Variants in SNX13 observed in about 807,000 individuals in gnomAD.
SNX13 encodes the protein sorting nexin 13.
A neutral mutation model predicts 133.6 loss-of-function variants in SNX13; 45 were observed. That is an observed-to-expected ratio of 0.34 (90% confidence interval 0.27 to 0.43). SNX13 has a LOEUF of 0.43. Ranked by LOEUF, SNX13 falls within the 20% of genes least tolerant of loss-of-function variation. The pLI is 1.00. For missense variants in SNX13, 1,032 were observed against 1,145.1 expected (o/e 0.90, Z 1.43); for synonymous variants, 414 against 373.9 (o/e 1.11, Z -1.24).
chr7:17,834,843 T>C lies in SNX13; in HGVS notation c.1382A>G (p.Asp461Gly), dbSNP rs376625714. 33 of 1,607,978 alleles carry C rather than the reference T, an allele frequency of 2.1e-5. No homozygotes were observed. The highest frequency in any genetic ancestry group is 2.7e-5 in the Non-Finnish European group (32 of 1,175,988). ...SEKASPRVTV[D>G]DYLVAKLADT... ...TGCTAATTTTGCTACTAAATAGTCA[T>C]CAACAGTAACTCTTGGAGATGCCTA... Residue 461 changes from aspartate (D) to glycine (G), a missense_variant, in exon 14 of 26, where the codon GAT becomes GGT. Physicochemically the swap from Asp to Gly is moderately conservative, Grantham distance 94. Transcript: ENST00000428135.
chr7:17,823,258 T>C (rs1787506901), intron 17 of SNX13, among the ~76,000 whole-genome samples: 1 of 152,242 alleles, frequency 6.6e-6, no homozygotes, highest in South Asian at 2.1e-4. Context: ...TTAGCCTTTC[T>C]ATGCGTGGAA....
chr7:17,836,398 T>A (rs962105795), intron 13 of SNX13, among the ~76,000 whole-genome samples: 4 of 151,966 alleles, frequency 2.6e-5, no homozygotes, highest in Non-Finnish European at 5.9e-5. Context: ...ATGCCTACAA[T>A]CCCACCTACT....
chr7:17,834,285 T>G (rs1209627777), intron 14 of SNX13, 101 bp from the exon 15 acceptor site: 1 of 1,012,092 alleles, frequency 9.9e-7, no homozygotes, highest in Non-Finnish European at 1.4e-6. Context: ...CTTGCCATAA[T>G]GTATCATAGT....
intron 16 of SNX13, 72 bp from the exon 17 acceptor site, chr7:17,826,163 C>A: frequency 1.1e-6 from 1 of 900,158 alleles, no homozygotes; most frequent in Non-Finnish European, 1.7e-6. Flanking sequence ...AATTCTACAT[C>A]ATATATGCAT....
chr7:17,886,351 C>T (rs2714874), intron 5 of SNX13, among the ~76,000 whole-genome samples: 45,277 of 151,742 alleles, frequency 0.3, 7,357 homozygotes, highest in East Asian at 0.61. Context: ...GGGCGGATCA[C>T]AAGGTCAGGA....
At chr7:17,874,315 G>A (rs1794448890) in intron 7 of SNX13, among the ~76,000 whole-genome samples, 1 of 152,146 alleles carries the variant, frequency 6.6e-6, no homozygotes, top group Non-Finnish European at 1.5e-5. Flanking sequence ...GGTATGCCAT[G>A]AATGCATAAA....
intron 9 of SNX13, among the ~76,000 whole-genome samples, chr7:17,859,047 C>T (rs968191231): frequency 1.3e-5 from 2 of 151,982 alleles, no homozygotes; most frequent in Non-Finnish European, 2.9e-5. Context: ...ACAAGGATTT[C>T]CTAGAGAAGA....
At chr7:17,834,579 C>T (rs1016761032) in intron 14 of SNX13, among the ~76,000 whole-genome samples, 182 bp downstream of exon 14, 1 of 151,790 alleles carries the variant, frequency 6.6e-6, no homozygotes, top group African/African-American at 2.4e-5. Context: ...GGATTTTCCT[C>T]AGAAAATTAA....
chr7:17,906,392 G>A (rs1181265570), intron 1 of SNX13, among the ~76,000 whole-genome samples: 1 of 151,856 alleles, frequency 6.6e-6, no homozygotes, highest in African/African-American at 2.4e-5. Flanking sequence ...AACAACTCTG[G>A]TATAGAAAAC....
chr7:17,919,038 T>C (rs991233806), intron 1 of SNX13, among the ~76,000 whole-genome samples: 2 of 152,084 alleles, frequency 1.3e-5, no homozygotes, highest in Non-Finnish European at 2.9e-5. Context: ...GAGCTAAACA[T>C]TGGGTACACA....
chr7:17,852,388 G>GA (rs1006541288), intron 9 of SNX13, among the ~76,000 whole-genome samples: 8 of 150,756 alleles, frequency 5.3e-5, no homozygotes, highest in African/African-American at 1.9e-4. Context: ...GAAAAGAAAA[G>GA]AAAAAAAGAG....
At chr7:17,888,926 A>T (rs1408193288) in intron 5 of SNX13, 3 of 280,426 alleles carry the variant, frequency 1.1e-5, no homozygotes, top group Non-Finnish European at 2.1e-5. Context: ...AAGTTTTCAG[A>T]TTACTAGTTC....
chr7:17,875,253 C>A (rs543194378), intron 7 of SNX13, among the ~76,000 whole-genome samples: 160 of 152,136 alleles, frequency 1.1e-3, no homozygotes, highest in African/African-American at 3.6e-3. Context: ...CAGGCATGAG[C>A]CACTGCACCC....
chr7:17,862,623 T>C (rs543230265), intron 9 of SNX13, among the ~76,000 whole-genome samples: 1 of 152,324 alleles, frequency 6.6e-6, no homozygotes, highest in African/African-American at 2.4e-5. Flanking sequence ...CATAAAGATA[T>C]ACTATCATCA....
At chr7:17,798,895 T>G in intron 23 of SNX13, 114 bp downstream of exon 23, 1 of 1,328,004 alleles carries the variant, frequency 7.5e-7, no homozygotes, top group South Asian at 1.4e-5. Context: ...AATGATGTCC[T>G]TAAAAGGCCC....
intron 3 of SNX13, among the ~76,000 whole-genome samples, chr7:17,892,299 C>T (rs944372895): frequency 2.0e-5 from 3 of 151,636 alleles, no homozygotes; most frequent in African/African-American, 7.3e-5. Flanking sequence ...TTAGAAATAG[C>T]AAATAAAACC....
chr7:17,795,982 C>T (rs946188595), intron 25 of SNX13: 17 of 151,258 alleles, frequency 1.1e-4, no homozygotes, highest in Non-Finnish European at 2.1e-4. Flanking sequence ...GGTAAGAAAA[C>T]AAAATTAGAG....
intron 9 of SNX13, among the ~76,000 whole-genome samples, chr7:17,852,440 A>T (rs562300927): frequency 6.6e-6 from 1 of 152,134 alleles, no homozygotes; most frequent in Non-Finnish European, 1.5e-5. Flanking sequence ...AACTGTGTCA[A>T]GCATTTCATA....
intron 20 of SNX13, among the ~76,000 whole-genome samples, chr7:17,808,687 G>A (rs1583315786): frequency 6.6e-6 from 1 of 152,162 alleles, no homozygotes; most frequent in Non-Finnish European, 1.5e-5. Context: ...AGGAAAAAAT[G>A]TTAAGGGCAG....
Sources: allele counts gnomAD v4.1 joint callset (sites outside exome capture counted in the v4.1 genomes callset), GRCh38; gene constraint gnomAD v4.1.1; transcripts MANE v1.5; gene names NCBI Gene and HGNC (gene_info 2026-07-23, HGNC 2026-07-21).